SFMBT2: variants seen among roughly 807,000 people sequenced by gnomAD.
The protein encoded by SFMBT2 is scm-like with four MBT domains protein 2.
SFMBT2 carries 38 observed loss-of-function variants against 110.1 expected under a neutral mutation model. The ratio of observed to expected loss-of-function variants is 0.35; its 90% CI spans 0.27 to 0.45. The LOEUF is 0.45. Among genes scored for constraint, SFMBT2 ranks in the 20% least tolerant of loss-of-function variants. The pLI, the probability that SFMBT2 is intolerant of heterozygous loss-of-function variation, is 1.00. For missense variants in SFMBT2, 1,011 were observed against 1,094.9 expected, an observed-to-expected ratio of 0.92 and a Z score of 1.08; for synonymous variants, 425 against 425.4, an observed-to-expected ratio of 1.00 and a Z score of 0.01.
At chr10:7,332,167 T>C (rs971851289) in intron 4 of SFMBT2, among the ~76,000 whole-genome samples, 4 of 152,174 alleles carry the variant, frequency 2.6e-5, no homozygotes, top group African/African-American at 7.2e-5. Flanking sequence ...TGGGTTTCTG[T>C]GTGTAACTGC....
chr10:7,274,534 C>T (rs1841705887), intron 7 of SFMBT2, among the ~76,000 whole-genome samples: 1 of 152,182 alleles, frequency 6.6e-6, no homozygotes, highest in African/African-American at 2.4e-5. Context: ...TCTTATTCTC[C>T]TTCCTGCTGC....
In SFMBT2 at chr10:7,276,901, T is replaced by G. The variant is rs763997696; in HGVS notation, c.861A>C (p.Glu287Asp). 1 of 871,498 alleles carries G rather than the reference T, an allele frequency of 1.1e-6. No homozygotes were observed. The allele number at this position is 871,498 out of a possible 1,614,324, so 54.0% of individuals were successfully genotyped here. The change falls in exon 7 of 21, where the codon GAA (glutamate) becomes GAC (aspartate). Residue 287 changes from glutamate to aspartate, a missense_variant. This residue lies in a region of SFMBT2 where 979 missense variants were observed against 1,016.1 expected (regional missense o/e 0.96). Coordinates refer to ENST00000397167, the MANE Select transcript of SFMBT2 (RefSeq NM_001387889.1). ...IDAAKFPLPM[E>D]VFKDHADLRS... is the part of the protein sequence containing the mutation. ...AGAATCAACATCTTACCTTAAACAC[T>G]TCCATTGGAAGAGGAAATTTGGCAG... is the stretch of plus-strand genomic sequence containing the variant.
intron 7 of SFMBT2, among the ~76,000 whole-genome samples, chr10:7,260,928 C>T (rs965264513): frequency 4.0e-5 from 6 of 151,774 alleles, no homozygotes; most frequent in African/African-American, 1.5e-4. Flanking sequence ...TTTGCGCAGT[C>T]TTTAAATACC....
At chr10:7,259,496 G>A (rs879724447) in intron 7 of SFMBT2, among the ~76,000 whole-genome samples, 1 of 152,234 alleles carries the variant, frequency 6.6e-6, no homozygotes, top group Non-Finnish European at 1.5e-5. Flanking sequence ...ACTGTAGGAT[G>A]TTGCAACTGC....
rs1310549527 is a variant in SFMBT2, at chr10:7,395,283, G to GA, written c.-51-13335dup. On this transcript the variant is annotated intron_variant, in intron 1 of 20. Coordinates refer to ENST00000397167, the MANE Select transcript of SFMBT2 (RefSeq NM_001387889.1). ...GACAGAGCAAGATTCCACCTTGGAG[G>GA]AAAAAAAAAGAATTCTACGTTGGAA... Among the ~76,000 whole-genome samples the GA allele has an allele frequency of 7.9e-5, 12 of 151,412 alleles. No homozygotes were observed. In the South Asian group the frequency reaches 1.5e-3, roughly 18 times the overall value.
intron 9 of SFMBT2, chr10:7,228,390 AC>A (rs1232036315): frequency 0.05 from 29,507 of 587,708 alleles, 703 homozygotes; most frequent in African/African-American, 0.17. Context: ...AAAAAAAAAA[AC>A]AAAACAGTAC....
intron 4 of SFMBT2, among the ~76,000 whole-genome samples, chr10:7,315,032 A>AAG (rs1469449836): frequency 8.0e-4 from 104 of 130,312 alleles, no homozygotes; most frequent in African/African-American, 2.4e-3. Flanking sequence ...GAGAGAAAGA[A>AAG]AGAAAGAGAA....
intron 13 of SFMBT2, among the ~76,000 whole-genome samples, chr10:7,201,238 C>T (rs1307741783): frequency 2.6e-5 from 4 of 152,224 alleles, no homozygotes; most frequent in Admixed American, 6.5e-5. Flanking sequence ...ACAGCATTGA[C>T]GCTACCTGTG....
intron 7 of SFMBT2, among the ~76,000 whole-genome samples, chr10:7,269,153 C>T (rs1841492225): frequency 1.3e-5 from 2 of 152,142 alleles, no homozygotes; most frequent in South Asian, 4.1e-4. Flanking sequence ...ACTGAATGTA[C>T]ATTTTGGAAA....
intron 4 of SFMBT2, among the ~76,000 whole-genome samples, chr10:7,346,155 A>G (rs555656986): frequency 5.9e-5 from 9 of 152,332 alleles, no homozygotes; most frequent in African/African-American, 1.7e-4. Flanking sequence ...TATGCATCCT[A>G]TAATACACAC....
intron 13 of SFMBT2, 128 bp from the exon 14 acceptor site, chr10:7,200,612 T>C (rs1429932704): frequency 1.5e-5 from 10 of 672,322 alleles, no homozygotes; most frequent in Non-Finnish European, 1.9e-5. Context: ...TAGAATAGAA[T>C]GTGTGTATGG....
intron 10 of SFMBT2, among the ~76,000 whole-genome samples, chr10:7,222,853 G>A (rs946823106): frequency 6.6e-6 from 1 of 152,116 alleles, no homozygotes; most frequent in East Asian, 1.9e-4. Context: ...TATATTTTTA[G>A]TAGAGTTGGG....
At chr10:7,358,120 C>A (rs1844579301) in intron 4 of SFMBT2, among the ~76,000 whole-genome samples, 1 of 106,244 alleles carries the variant, frequency 9.4e-6, no homozygotes, top group Admixed American at 9.7e-5. Context: ...GGCCCTAGAA[C>A]ATCTGCATGG....
intron 4 of SFMBT2, among the ~76,000 whole-genome samples, chr10:7,351,534 G>A (rs888059109): frequency 5.3e-5 from 8 of 152,180 alleles, no homozygotes; most frequent in African/African-American, 9.7e-5. Flanking sequence ...AGGTTCGCAC[G>A]TTTAATTAAG....
intron 15 of SFMBT2, among the ~76,000 whole-genome samples, chr10:7,193,896 A>C (rs746739770): frequency 2.4e-4 from 36 of 152,196 alleles, no homozygotes; most frequent in Admixed American, 1.0e-3. Context: ...ATCATGGTTT[A>C]TCTCTCTTTT....
intron 10 of SFMBT2, 37 bp downstream of exon 10, chr10:7,227,818 T>C (rs1327625392): frequency 4.5e-6 from 7 of 1,569,210 alleles, no homozygotes; most frequent in Admixed American, 1.8e-5. Context: ...ACAAAATCTA[T>C]GATTTTTAAA....
intron 4 of SFMBT2, among the ~76,000 whole-genome samples, chr10:7,354,566 G>A (rs1211409917): frequency 6.6e-6 from 1 of 152,140 alleles, no homozygotes; most frequent in East Asian, 1.9e-4. Flanking sequence ...GACAGGCCTG[G>A]TGGATGTAGA....
At position 7,367,815 on chromosome 10, in the gene SFMBT2, C is replaced by G. The variant is rs138686940; in HGVS notation, c.270G>C (p.Thr90=). Residue 90 remains threonine, a synonymous_variant, in exon 4 of 21, where the codon ACG becomes ACC. Coordinates refer to ENST00000397167, the MANE Select transcript of SFMBT2 (RefSeq NM_001387889.1). The surrounding 1 kb of genome is among the most constrained non-coding windows in gnomAD (Gnocchi z 6.2). ...LEVANKNNPD[T]YWVATIITTC... ...TGGTAATGATCGTGGCCACCCAGTA[C>G]GTGTCCGGGTTGTTCTTATTAGCCA... 1.9e-6 allele frequency: 3 copies of G among 1,614,188 alleles called. No individual in the cohort carries two copies. Among genetic ancestry groups the G allele is most frequent in the Admixed American group, 3.3e-5 (2 of 60,028 alleles).
chr10:7,403,596 C>T (rs866603328), intron 1 of SFMBT2, among the ~76,000 whole-genome samples: 6 of 152,248 alleles, frequency 3.9e-5, no homozygotes, highest in Non-Finnish European at 7.4e-5. Context: ...GAGCCGAGAT[C>T]GCAGCACTGC....
Sources: allele counts gnomAD v4.1 joint callset (sites outside exome capture counted in the v4.1 genomes callset), GRCh38; gene constraint gnomAD v4.1.1; regional missense constraint gnomAD v4.1.1; non-coding constraint Gnocchi (gnomAD v3.1); transcripts MANE v1.5; gene names NCBI Gene and HGNC (gene_info 2026-07-23, HGNC 2026-07-21).